The following HDAC4 variants were observed in gnomAD, a reference collection of about 807,000 sequenced individuals.
The protein encoded by HDAC4 is histone deacetylase A.
Under a neutral mutation model 135.1 loss-of-function variants are expected in HDAC4, and 16 were observed. That is an observed-to-expected ratio of 0.12 (90% CI 0.08 to 0.18). HDAC4 has a LOEUF of 0.18. Ranked by LOEUF, HDAC4 falls within the 10% of genes least tolerant of loss-of-function variation. The probability of loss-of-function intolerance (pLI) is 1.00; values close to 1 mark genes in which losing one functional copy is unlikely to be tolerated. For synonymous variants in HDAC4, 685 were observed against 653.4 expected (o/e 1.05, Z -0.74); for missense variants, 1,143 against 1,511.8 (o/e 0.76, Z 4.05).
chr2:239,122,325 C>T (rs754672495), intron 12 of HDAC4, among the ~76,000 whole-genome samples: 5 of 152,202 alleles, frequency 3.3e-5, no homozygotes, highest in South Asian at 2.1e-4. Context: ...TTCCAACGAA[C>T]GTCCTCTTTT....
chr2:239,260,976 C>T (rs1239485147), intron 2 of HDAC4, among the ~76,000 whole-genome samples: 1 of 152,122 alleles, frequency 6.6e-6, no homozygotes, highest in East Asian at 1.9e-4. Flanking sequence ...AGACGGAAGC[C>T]AGCCTGGGAG....
rs553448200 is a variant in HDAC4, at chr2:239,221,019, C to A, written c.94+15574G>T. ...ACCACGAAGACCTCCCTCCCACCAG[C>A]CCTTGGACTCAGCTCATTCTGCGGG... On this transcript the variant is annotated intron_variant, in intron 3 of 26. Transcript: ENST00000543185. 2.0e-5 allele frequency among the ~76,000 whole-genome samples: 3 copies of A among 152,290 alleles called. No homozygotes were observed. The East Asian group carries it at 5.8e-4, about 29-fold the overall frequency.
In HDAC4 at chr2:239,115,396, C is replaced by A; in HGVS notation, c.1534-86G>T. 1 of 1,540,818 alleles carries A rather than the reference C, an allele frequency of 6.5e-7. No homozygotes were observed. The highest frequency in any genetic ancestry group is 1.1e-5 in the South Asian group (1 of 87,796). On this transcript the variant is annotated intron_variant, in intron 12 of 26. Coordinates refer to ENST00000543185, the MANE Select transcript of HDAC4 (RefSeq NM_001378414.1). The surrounding 1 kb of genome is among the most constrained non-coding windows in gnomAD (Gnocchi z 6.3). Reference sequence around the variant, plus strand: ...GGAGAAGGGATGCTGCAAACCCCACCCTCTGGGGCAGACAATCAGGGACTC... The same window carrying A: ...GGAGAAGGGATGCTGCAAACCCCACACTCTGGGGCAGACAATCAGGGACTC...
intron 2 of HDAC4, among the ~76,000 whole-genome samples, chr2:239,343,670 G>T (rs189726625): frequency 6.6e-6 from 1 of 152,208 alleles, no homozygotes; most frequent in Admixed American, 6.5e-5. Context: ...CTGGACCAGA[G>T]TGCCTGCTGC....
intron 24 of HDAC4, among the ~76,000 whole-genome samples, chr2:239,061,381 G>C (rs1207971834): frequency 6.6e-6 from 1 of 151,778 alleles, no homozygotes; most frequent in Non-Finnish European, 1.5e-5. Flanking sequence ...CTGTGTGGGT[G>C]TGCGTGTGTG....
intron 2 of HDAC4, among the ~76,000 whole-genome samples, chr2:239,326,894 C>T (rs1399953341): frequency 6.6e-6 from 1 of 152,204 alleles, no homozygotes; most frequent in Non-Finnish European, 1.5e-5. Context: ...TCACATGCCA[C>T]CCCCAAGCAC....
At chr2:239,057,421 G>A (rs915275763) in intron 24 of HDAC4, among the ~76,000 whole-genome samples, 5 of 152,074 alleles carry the variant, frequency 3.3e-5, no homozygotes, top group African/African-American at 1.2e-4. Flanking sequence ...TGAGACCCAA[G>A]CCAGGGGCAA....
At chr2:239,251,806 C>T (rs2048799498) in intron 2 of HDAC4, among the ~76,000 whole-genome samples, 1 of 152,080 alleles carries the variant, frequency 6.6e-6, no homozygotes, top group African/African-American at 2.4e-5. Context: ...CTCCTCCCTC[C>T]AACAAAACCA....
At chr2:239,356,784 C>T (rs1271371533) in intron 1 of HDAC4, among the ~76,000 whole-genome samples, 1 of 152,186 alleles carries the variant, frequency 6.6e-6, no homozygotes, top group African/African-American at 2.4e-5. Context: ...TATTCACTCA[C>T]ACCACGATAT....
chr2:239,217,967 C>T (rs950137335), intron 3 of HDAC4, among the ~76,000 whole-genome samples: 1 of 152,148 alleles, frequency 6.6e-6, no homozygotes. Flanking sequence ...TGACACGTGC[C>T]TGTGGTTCCA....
chr2:239,102,745 A>G, intron 16 of HDAC4, 31 bp downstream of exon 16: 2 of 1,613,316 alleles, frequency 1.2e-6, no homozygotes, highest in South Asian at 2.2e-5. Context: ...CTTCAAACCC[A>G]ATATGGGAGG....
chr2:239,315,645 C>T (rs902070496), intron 2 of HDAC4, among the ~76,000 whole-genome samples: 6 of 152,148 alleles, frequency 3.9e-5, no homozygotes, highest in Admixed American at 3.9e-4. Flanking sequence ...CCCATCTCAA[C>T]CACTGGGACA....
At chr2:239,065,119 T>C (rs1401972326) in intron 24 of HDAC4, among the ~76,000 whole-genome samples, 1 of 152,168 alleles carries the variant, frequency 6.6e-6, no homozygotes, top group African/African-American at 2.4e-5. Context: ...CAGCTTTCCA[T>C]CGGGGGAGGC....
chr2:239,254,921 T>C (rs1190655617), intron 2 of HDAC4, among the ~76,000 whole-genome samples: 2 of 152,218 alleles, frequency 1.3e-5, no homozygotes, highest in African/African-American at 4.8e-5. Flanking sequence ...TCTAAGAACA[T>C]TGAATTGAGA....
intron 16 of HDAC4, among the ~76,000 whole-genome samples, chr2:239,096,775 G>C (rs2037138204): frequency 6.8e-6 from 1 of 147,238 alleles, no homozygotes; most frequent in Admixed American, 7.0e-5. Context: ...ACACCCACAT[G>C]TCCCACAGAC....
Position 239,144,595 on chromosome 2 carries a change from A to G in HDAC4, c.853T>C (p.Leu285=). 6.2e-7 allele frequency: 1 copy of G among 1,614,028 alleles called. No homozygotes were observed. The highest frequency in any genetic ancestry group is 8.5e-7 in the Non-Finnish European group (1 of 1,180,042). Residue 285 remains leucine (L), a synonymous_variant, in exon 8 of 27, where the codon TTG becomes CTG. Coordinates refer to ENST00000543185, the MANE Select transcript of HDAC4 (RefSeq NM_001378414.1). ...TCAGCCGACATACCTGTGACATCCA[A>G]CGGACGCTTTTTTAGAGCAGTGACC... ...PVVTALKKRP[L]DVTDSACSSA... is the part of the protein sequence containing the mutation.
intron 2 of HDAC4, chr2:239,298,709 C>CT: frequency 1.5e-6 from 1 of 686,108 alleles, no homozygotes; most frequent in Non-Finnish European, 1.8e-6. Flanking sequence ...GACACTCCAC[C>CT]TACAGGGGCT....
At chr2:239,261,088 T>C (rs936383426) in intron 2 of HDAC4, among the ~76,000 whole-genome samples, 1 of 152,160 alleles carries the variant, frequency 6.6e-6, no homozygotes, top group African/African-American at 2.4e-5. Flanking sequence ...TTTGTTTCTG[T>C]AGAGACAGGA....
At chr2:239,078,440 G>C (rs1223658550) in intron 22 of HDAC4, among the ~76,000 whole-genome samples, 3 of 152,238 alleles carry the variant, frequency 2.0e-5, no homozygotes, top group African/African-American at 7.2e-5. Context: ...AGAAGAAAGG[G>C]GAAAACCAAT....
Sources: gnomAD v4.1 joint callset for allele counts (sites outside exome capture counted in the v4.1 genomes callset) on GRCh38, gnomAD v4.1.1 for gene constraint, Gnocchi (gnomAD v3.1) non-coding constraint, MANE v1.5 for transcripts, NCBI Gene and HGNC (gene_info 2026-07-23, HGNC 2026-07-21) for gene names.